MED12L: variants seen among roughly 807,000 people sequenced by gnomAD.
The protein encoded by MED12L is mediator of RNA polymerase II transcription subunit 12-like protein.
MED12L carries 60 observed loss-of-function variants against 281.3 expected under a neutral mutation model. That is an observed-to-expected ratio of 0.21 (90% CI 0.17 to 0.26). The LOEUF is 0.26. MED12L is among the 10% of genes least tolerant of loss of function. The probability of loss-of-function intolerance (pLI) is 1.00; values close to 1 mark genes in which losing one functional copy is unlikely to be tolerated. For synonymous variants in MED12L, 974 were observed against 987.2 expected (o/e 0.99, Z 0.25); for missense variants, 2,146 against 2,680.9 (o/e 0.80, Z 4.41).
intron 16 of MED12L, among the ~76,000 whole-genome samples, chr3:151,227,599 T>C (rs1730795562): frequency 6.6e-6 from 1 of 152,182 alleles, no homozygotes; most frequent in African/African-American, 2.4e-5. Context: ...AAATGGATCA[T>C]GGGAGCTGTC....
chr3:151,431,815 T>G (rs1471927534), intron 44 of MED12L, among the ~76,000 whole-genome samples: 4 of 152,216 alleles, frequency 2.6e-5, no homozygotes, highest in Non-Finnish European at 5.9e-5. Context: ...ACTAGGACTT[T>G]CCATGTATTG....
Position 151,385,156 on chromosome 3 carries a change from A to G in MED12L, c.5053A>G (p.Lys1685Glu). The G allele has an allele frequency of 6.3e-7, 1 of 1,595,370 alleles. No individual in the cohort carries two copies. The highest frequency in any genetic ancestry group is 8.5e-7 in the Non-Finnish European group (1 of 1,169,916). The change falls in exon 36 of 45, where the codon AAA (lysine) becomes GAA (glutamate). Residue 1685 changes from lysine (K) to glutamate (E), a missense_variant. Lys to Glu is a moderately conservative substitution (Grantham distance 56, BLOSUM62 1). Coordinates refer to ENST00000687756, the MANE Select transcript of MED12L (RefSeq NM_001393769.1). ...TTCCTTGATTGACACAAAAGGAAAC[A>G]AAATTGCTGGATTTGACTCTATAGA... is the stretch of plus-strand genomic sequence containing the variant. ...MGSLIDTKGNKIAGFDSIDKK... is the reference protein window; with the variant it reads ...MGSLIDTKGNEIAGFDSIDKK...
chr3:151,377,939 G>A, intron 30 of MED12L, 73 bp from the exon 31 acceptor site: 4 of 1,404,008 alleles, frequency 2.8e-6, no homozygotes, highest in Non-Finnish European at 3.8e-6. Flanking sequence ...GTTTCGCTTT[G>A]GAGTTTCTGT....
intron 16 of MED12L, among the ~76,000 whole-genome samples, chr3:151,196,174 A>G (rs138775641): frequency 6.6e-6 from 1 of 152,386 alleles, no homozygotes; most frequent in African/African-American, 2.4e-5. Flanking sequence ...ACCACATGTC[A>G]TAATGAATCA....
rs140142903 is a variant in MED12L, at chr3:151,377,161, A to T, written c.4299A>T (p.Gly1433=). 4.2e-4 allele frequency: 678 copies of T among 1,610,158 alleles called. 8 individuals carry two copies. In the African/African-American group the frequency reaches 8.0e-3, roughly 19 times the overall value. ...SADTSSTRQN[G]IKTFLSSSER... ...ATACAAGTAGCACGAGACAGAATGG[A>T]ATAAAGACATTCCTAAGGTATTTTT... is the stretch of plus-strand genomic sequence containing the variant. Residue 1433 remains glycine (G), a synonymous_variant, in exon 30 of 45, where the codon GGA becomes GGT. Coordinates refer to ENST00000687756, the MANE Select transcript of MED12L (RefSeq NM_001393769.1).
At chr3:151,157,019 T>C (rs1719378097) in intron 6 of MED12L, among the ~76,000 whole-genome samples, 1 of 152,162 alleles carries the variant, frequency 6.6e-6, no homozygotes, top group South Asian at 2.1e-4. Flanking sequence ...GAGGTCAACA[T>C]AGGAAAAAAT....
At chr3:151,122,684 A>C in intron 3 of MED12L, 99 bp from the exon 4 acceptor site, 1 of 839,492 alleles carries the variant, frequency 1.2e-6, no homozygotes, top group East Asian at 2.9e-5. Flanking sequence ...GGGATGTATG[A>C]AGATTTTCAA....
chr3:151,392,755 C>T (rs1385686580), intron 38 of MED12L, among the ~76,000 whole-genome samples: 1 of 152,036 alleles, frequency 6.6e-6, no homozygotes, highest in African/African-American at 2.4e-5. Flanking sequence ...ACTCCAGATT[C>T]AGAGTAGCAT....
chr3:151,206,940 G>A (rs754325611), intron 16 of MED12L, among the ~76,000 whole-genome samples: 41 of 151,998 alleles, frequency 2.7e-4, no homozygotes, highest in Non-Finnish European at 4.3e-4. Flanking sequence ...CACCGTGCCC[G>A]GCCATGACTA....
chr3:151,363,919 TTAGAA>T (rs1172260121), intron 21 of MED12L, among the ~76,000 whole-genome samples: 5 of 152,094 alleles, frequency 3.3e-5, no homozygotes, highest in Non-Finnish European at 5.9e-5. Context: ...TGGCAATAGT[TTAGAA>T]TAGAGAGTCT....
At chr3:151,313,107 A>G (rs998893333) in intron 16 of MED12L, among the ~76,000 whole-genome samples, 1 of 152,154 alleles carries the variant, frequency 6.6e-6, no homozygotes, top group African/African-American at 2.4e-5. Context: ...CCTCATTAAC[A>G]CCACTAATGA....
chr3:151,291,457 A>C (rs1357935068), intron 16 of MED12L, among the ~76,000 whole-genome samples: 1 of 152,178 alleles, frequency 6.6e-6, no homozygotes, highest in Non-Finnish European at 1.5e-5. Context: ...GTTTCTCTGA[A>C]TGTCAGTTTT....
At chr3:151,288,469 A>G (rs1054360771) in intron 16 of MED12L, among the ~76,000 whole-genome samples, 5 of 152,220 alleles carry the variant, frequency 3.3e-5, no homozygotes, top group Non-Finnish European at 7.3e-5. Context: ...CACATCACTA[A>G]TGGTAATGAT....
intron 16 of MED12L, among the ~76,000 whole-genome samples, chr3:151,319,643 A>G (rs1034992970): frequency 1.2e-4 from 18 of 152,184 alleles, no homozygotes; most frequent in African/African-American, 4.3e-4. Context: ...ATCTAGATTT[A>G]TAAATTGTTA....
intron 16 of MED12L, among the ~76,000 whole-genome samples, chr3:151,229,501 C>T (rs868489893): frequency 1.6e-4 from 17 of 104,798 alleles, no homozygotes; most frequent in Admixed American, 3.9e-4. Context: ...TTTTTTGAGA[C>T]GGAGTCTCAC....
rs780654645 is a variant in MED12L, at chr3:151,338,311, T to G, written c.2251-11748T>G. 1.9e-6 allele frequency: 3 copies of G among 1,614,146 alleles called. No individual in the cohort carries two copies. In the Admixed American group the frequency reaches 5.0e-5, roughly 27 times the overall value. ...TGCCAGACTAGACCGAACTCTGATTTAAGGAAAGAGCATTTCTTCACATTC... is the reference window on the plus strand; with the variant it reads ...TGCCAGACTAGACCGAACTCTGATTGAAGGAAAGAGCATTTCTTCACATTC... On this transcript the variant is annotated intron_variant, in intron 16 of 44. Transcript: ENST00000687756.
At chr3:151,207,871 G>A (rs902241566) in intron 16 of MED12L, among the ~76,000 whole-genome samples, 1 of 152,234 alleles carries the variant, frequency 6.6e-6, no homozygotes, top group African/African-American at 2.4e-5. Flanking sequence ...GGGAAAGGAA[G>A]TCTGAGGAGA....
chr3:151,305,155 A>G (rs1302692153), intron 16 of MED12L, among the ~76,000 whole-genome samples: 1 of 152,180 alleles, frequency 6.6e-6, no homozygotes, highest in South Asian at 2.1e-4. Flanking sequence ...ATGTCCCAGC[A>G]CTTGCAGGGT....
At chr3:151,337,189 T>C (rs1262369173) in intron 16 of MED12L, 6 of 152,184 alleles carry the variant, frequency 3.9e-5, no homozygotes, top group Non-Finnish European at 8.8e-5. Flanking sequence ...TTCTCTTTAT[T>C]GTAAAGGTCT....
Sources: allele counts gnomAD v4.1 joint callset (sites outside exome capture counted in the v4.1 genomes callset), GRCh38; gene constraint gnomAD v4.1.1; transcripts MANE v1.5; gene names NCBI Gene and HGNC (gene_info 2026-07-23, HGNC 2026-07-21).